Variants in FAM107B observed in about 807,000 individuals in gnomAD.
FAM107B encodes protein FAM107B.
A neutral mutation model predicts 31.5 loss-of-function variants in FAM107B; 21 were observed. The observed-to-expected ratio is 0.67, with a 90% CI of 0.47 to 0.96. FAM107B has a LOEUF of 0.96. Among genes scored for constraint, FAM107B ranks in the 40% least tolerant of loss-of-function variants. FAM107B has a pLI of 0.00. For missense variants in FAM107B, 452 were observed against 377.1 expected (o/e 1.20, Z -1.64); for synonymous variants, 157 against 141.5 (o/e 1.11, Z -0.78).
rs1554757191 is a variant in FAM107B, at chr10:14,761,034, A to AAC, written c.411+13218_411+13219insGT. Among the ~76,000 whole-genome samples the AAC allele has an allele frequency of 1.4e-3, 202 of 146,644 alleles. 1 individual carries two copies. Among genetic ancestry groups the AAC allele is most frequent in the South Asian group, 2.4e-3 (11 of 4,604 alleles). ...TTCAAAAAAAAAAAAAAAAAAAAAAAAAGAAAGACATATCGTTAAGCTAGA... is the reference window on the plus strand; with the variant it reads ...TTCAAAAAAAAAAAAAAAAAAAAAAAACAAGAAAGACATATCGTTAAGCTAGA... On this transcript the variant is annotated intron_variant, in intron 1 of 4. Coordinates refer to ENST00000181796, the MANE Select transcript of FAM107B (RefSeq NM_031453.4).
intron 2 of FAM107B, among the ~76,000 whole-genome samples, chr10:14,645,065 T>C (rs138848461): frequency 2.6e-5 from 4 of 152,358 alleles, no homozygotes; most frequent in African/African-American, 9.6e-5. Flanking sequence ...TCAGCCATTA[T>C]CTTTCTTGAA....
At chr10:14,741,405 G>A (rs529691735) in intron 1 of FAM107B, among the ~76,000 whole-genome samples, 115 of 152,244 alleles carry the variant, frequency 7.6e-4, no homozygotes, top group African/African-American at 2.6e-3. Context: ...GAGGAGCCCC[G>A]TGTTTTAGGC....
chr10:14,692,708 T>C (rs532750585), intron 1 of FAM107B, among the ~76,000 whole-genome samples: 1 of 152,194 alleles, frequency 6.6e-6, no homozygotes, highest in East Asian at 1.9e-4. Flanking sequence ...CTTTGCTGTA[T>C]GCAATTGATC....
chr10:14,742,850 CTCCTT>C (rs1832646951), intron 1 of FAM107B, among the ~76,000 whole-genome samples: 1 of 152,154 alleles, frequency 6.6e-6, no homozygotes, highest in Non-Finnish European at 1.5e-5. Flanking sequence ...CTTTCCTTCT[CTCCTT>C]TACTTACTGT....
intron 2 of FAM107B, among the ~76,000 whole-genome samples, chr10:14,622,139 C>T (rs1172879082): frequency 6.6e-6 from 1 of 152,096 alleles, no homozygotes; most frequent in Non-Finnish European, 1.5e-5. Flanking sequence ...AATAAACATC[C>T]ATGCATCCAA....
chr10:14,669,737 T>C (rs1854497463), intron 1 of FAM107B, among the ~76,000 whole-genome samples: 2 of 152,162 alleles, frequency 1.3e-5, no homozygotes, highest in African/African-American at 4.8e-5. Flanking sequence ...ATTGGTCTCA[T>C]GGAAACAGAA....
At chr10:14,609,504 A>G (rs1852674277) in intron 2 of FAM107B, among the ~76,000 whole-genome samples, 1 of 152,180 alleles carries the variant, frequency 6.6e-6, no homozygotes, top group Non-Finnish European at 1.5e-5. Context: ...CAGAAACCTC[A>G]TCATGTGGCC....
intron 2 of FAM107B, among the ~76,000 whole-genome samples, chr10:14,667,314 T>C (rs755639261): frequency 3.3e-5 from 5 of 152,230 alleles, no homozygotes; most frequent in Non-Finnish European, 7.3e-5. Flanking sequence ...CAGTAAATAA[T>C]GATACTTCTT....
intron 2 of FAM107B, among the ~76,000 whole-genome samples, chr10:14,609,608 T>C (rs554667803): frequency 6.6e-6 from 1 of 152,180 alleles, no homozygotes; most frequent in Non-Finnish European, 1.5e-5. Flanking sequence ...AGACTTAAAG[T>C]GCTCATGTGA....
At chr10:14,604,120 C>CCCCCCCCCCG in intron 2 of FAM107B, 2 of 502,666 alleles carry the variant, frequency 4.0e-6, no homozygotes, top group Non-Finnish European at 5.1e-6. Flanking sequence ...GGGGACCCCC[C>CCCCCCCCCCG]ACCCGCCCGG....
At chr10:14,585,244 T>A (rs1162244575) in intron 2 of FAM107B, among the ~76,000 whole-genome samples, 15 of 152,222 alleles carry the variant, frequency 9.9e-5, no homozygotes, top group Admixed American at 9.8e-4. Flanking sequence ...TTTGTCCAAT[T>A]CTTTGTTCAA....
chr10:14,659,477 A>G (rs1361186008), intron 2 of FAM107B, among the ~76,000 whole-genome samples: 1 of 152,070 alleles, frequency 6.6e-6, no homozygotes, highest in African/African-American at 2.4e-5. Flanking sequence ...AGCAAACAAA[A>G]AACTGTCTGC....
chr10:14,625,853 C>T (rs903906563), intron 2 of FAM107B, among the ~76,000 whole-genome samples: 1 of 79,348 alleles, frequency 1.3e-5, no homozygotes, highest in South Asian at 5.3e-4. Flanking sequence ...GACCTCCATG[C>T]AGCTGCTCAT....
At chr10:14,729,858 A>G (rs892209785) in intron 1 of FAM107B, among the ~76,000 whole-genome samples, 2 of 152,364 alleles carry the variant, frequency 1.3e-5, no homozygotes, top group Admixed American at 1.3e-4. Context: ...CTACGCAGCC[A>G]TAAAAAAGAA....
chr10:14,545,643 T>C (rs779090365), intron 2 of FAM107B, among the ~76,000 whole-genome samples: 12 of 152,258 alleles, frequency 7.9e-5, no homozygotes, highest in Non-Finnish European at 1.6e-4. Flanking sequence ...GGCCACCATC[T>C]TTGAAATTAT....
chr10:14,558,808 A>G lies in FAM107B; in HGVS notation c.470-28293T>C, dbSNP rs150932060. Among the ~76,000 whole-genome samples the G allele has an allele frequency of 5.3e-5, 8 of 152,124 alleles. No individual in the cohort carries two copies. The East Asian group carries it at 1.3e-3, about 26-fold the overall frequency. ...TAATATGTTCTGCCAGGTGTAGTGA[A>G]AATGTGCCTGATGAACTTGAATTCT... On this transcript the variant is annotated intron_variant, in intron 2 of 4. Coordinates refer to ENST00000181796, the MANE Select transcript of FAM107B (RefSeq NM_031453.4).
At chr10:14,629,561 G>A (rs1853298136) in intron 2 of FAM107B, among the ~76,000 whole-genome samples, 1 of 139,918 alleles carries the variant, frequency 7.1e-6, no homozygotes, top group African/African-American at 2.7e-5. Context: ...CGCCCAGGCT[G>A]GAGTGCAGTG....
At chr10:14,735,503 A>C (rs1856279054) in intron 1 of FAM107B, among the ~76,000 whole-genome samples, 1 of 152,194 alleles carries the variant, frequency 6.6e-6, no homozygotes. Flanking sequence ...TGCCCAGTAG[A>C]GGAGACGGCA....
intron 2 of FAM107B, among the ~76,000 whole-genome samples, chr10:14,552,462 C>T (rs1012824996): frequency 4.8e-5 from 4 of 83,336 alleles, no homozygotes; most frequent in Admixed American, 1.2e-4. Context: ...CCCACACACA[C>T]CCAACAATGA....
Sources: allele counts gnomAD v4.1 joint callset (sites outside exome capture counted in the v4.1 genomes callset), GRCh38; gene constraint gnomAD v4.1.1; transcripts MANE v1.5; gene names NCBI Gene and HGNC (gene_info 2026-07-23, HGNC 2026-07-21).